SPANXN2: variants seen among roughly 807,000 people sequenced by gnomAD.
SPANXN2 encodes sperm protein associated with the nucleus on the X chromosome N2.
In SPANXN2, 1 loss-of-function variant was observed where a neutral mutation model predicts 2.0. The observed-to-expected ratio is 0.50, with a 90% CI of 0.18 to 2.36. The LOEUF (loss-of-function observed/expected upper bound fraction) is 2.36. Among genes scored for constraint, SPANXN2 ranks in the 30% most tolerant of loss-of-function variants. SPANXN2 has a pLI of 0.26. For missense variants in SPANXN2, 88 were observed against 116.7 expected (o/e 0.75, Z 1.13); for synonymous variants, 43 against 49.8 (o/e 0.86, Z 0.58).
rs1932352346 is a variant in SPANXN2 at position 143,720,643 on chromosome X, T to C, written c.26A>G (p.Asn9Ser). Residue 9 changes from asparagine to serine, a missense_variant, in exon 1 of 2, where the codon AAT becomes AGT. Around this residue, in one of 2 missense-constraint regions of SPANXN2, gnomAD observed 59 missense variants for 56.4 expected, o/e 1.05. Transcript: ENST00000598475. ...ACAGGGGCTCTTCCTCTTCTCCCCATTGGTGCTTGAAGTCGGCTGTTCCAT... is the reference window on the plus strand; with the variant it reads ...ACAGGGGCTCTTCCTCTTCTCCCCACTGGTGCTTGAAGTCGGCTGTTCCAT... The C allele has an allele frequency of 2.5e-6, 3 of 1,208,886 alleles. No homozygotes were observed. The highest frequency in any genetic ancestry group is 1.8e-5 in the South Asian group (1 of 56,729).
At chrX:143,712,930 A>G (rs1189864700) in intron 1 of SPANXN2, among the ~76,000 whole-genome samples, 1 of 111,776 alleles carries the variant, frequency 8.9e-6, no homozygotes, top group Non-Finnish European at 1.9e-5. Flanking sequence ...AGAACATCTT[A>G]TCAATATCCT....
chrX:143,716,868 G>C (rs1291986476), intron 1 of SPANXN2, among the ~76,000 whole-genome samples: 1 of 111,548 alleles, frequency 9.0e-6, no homozygotes, highest in Non-Finnish European at 1.9e-5. Flanking sequence ...CTTATTCATA[G>C]GTAACCCTCT....
exon 2 of SPANXN2, chrX:143,712,192 T>C: frequency 2.2e-6 from 1 of 457,414 alleles, no homozygotes; most frequent in Non-Finnish European, 3.8e-6. Context: ...TTCAGATGAG[T>C]CCAGGTCTTC....
chrX:143,720,175 T>C (rs1273301520), intron 1 of SPANXN2, among the ~76,000 whole-genome samples: 1 of 110,993 alleles, frequency 9.0e-6, no homozygotes, highest in African/African-American at 3.3e-5. Context: ...CCCTGCTATT[T>C]TGCAGACCTT....
In SPANXN2 at chrX:143,716,368, C is replaced by A. The variant is rs782763993; in HGVS notation, c.79-3869G>T. Among the ~76,000 whole-genome samples the A allele has an allele frequency of 1.1e-3, 127 of 110,861 alleles. 1 individual carries two copies. Among genetic ancestry groups the A allele is most frequent in the Admixed American group, 1.7e-3 (18 of 10,471 alleles). On this transcript the variant is annotated intron_variant, in intron 1 of 1. Coordinates refer to ENST00000598475, the Ensembl canonical transcript of SPANXN2. ...TTCCCCACATAAAAAAAAAGGACCTCCCCTCCTTCTTGGGCCTTGTGGGAT... is the reference window on the plus strand; with the variant it reads ...TTCCCCACATAAAAAAAAAGGACCTACCCTCCTTCTTGGGCCTTGTGGGAT...
chrX:143,714,205 C>A (rs1374706868), intron 1 of SPANXN2, among the ~76,000 whole-genome samples: 1 of 111,006 alleles, frequency 9.0e-6, no homozygotes, highest in Non-Finnish European at 1.9e-5. Context: ...AAAGGCCTTC[C>A]AAAGTCCTTC....
intron 1 of SPANXN2, among the ~76,000 whole-genome samples, chrX:143,714,800 G>A (rs781897551): frequency 9.0e-6 from 1 of 111,724 alleles, no homozygotes; most frequent in Non-Finnish European, 1.9e-5. Flanking sequence ...CTTAATCAAA[G>A]TGGCCTTCAA....
intron 1 of SPANXN2, among the ~76,000 whole-genome samples, chrX:143,715,592 C>A (rs1473278236): frequency 1.9e-5 from 2 of 106,777 alleles, no homozygotes; most frequent in Admixed American, 1.0e-4. Context: ...CATCACATCC[C>A]AGTTAAAATA....
At chrX:143,720,280 C>A (rs782048250) in intron 1 of SPANXN2, among the ~76,000 whole-genome samples, 1 of 110,153 alleles carries the variant, frequency 9.1e-6, no homozygotes, top group Non-Finnish European at 1.9e-5. Context: ...ACTAAAGAAA[C>A]TTTCCTATGG....
intron 1 of SPANXN2, among the ~76,000 whole-genome samples, chrX:143,716,352 TA>T (rs1186342455): frequency 1.0e-4 from 11 of 107,804 alleles, no homozygotes; most frequent in African/African-American, 3.0e-4. Flanking sequence ...CTTCCCCACA[TA>T]AAAAAAAAGG....
chrX:143,712,014 A>G (rs782550544), exon 2 of SPANXN2: 43 of 1,210,687 alleles, frequency 3.6e-5, no homozygotes, highest in South Asian at 1.4e-4. Flanking sequence ...GATTTGTCCA[A>G]TTTGGTTTCT....
intron 1 of SPANXN2, among the ~76,000 whole-genome samples, chrX:143,714,185 G>A (rs1932218935): frequency 9.1e-6 from 1 of 110,236 alleles, no homozygotes; most frequent in African/African-American, 3.3e-5. Flanking sequence ...TAGGAACCAG[G>A]CACATGCCCA....
At chrX:143,720,560 T>A (rs1556450719) in intron 1 of SPANXN2, 31 bp downstream of exon 1, 1 of 1,196,858 alleles carries the variant, frequency 8.4e-7, no homozygotes, top group Non-Finnish European at 1.1e-6. Context: ...TCTTTCACCC[T>A]CACCTTCCCT....
exon 2 of SPANXN2, chrX:143,712,029 G>A (rs1932166747): frequency 1.6e-6 from 2 of 1,212,202 alleles, no homozygotes; most frequent in Non-Finnish European, 2.2e-6. Context: ...GTTTCTCCAT[G>A]TTTGACTAGT....
intron 1 of SPANXN2, 61 bp from the exon 2 acceptor site, chrX:143,712,560 G>A: frequency 3.8e-6 from 4 of 1,041,931 alleles, no homozygotes; most frequent in East Asian, 3.0e-5. Context: ...GGTAGAGACT[G>A]GATAGCAAGG....
exon 2 of SPANXN2, chrX:143,712,377 T>G (rs1375137528): frequency 8.3e-7 from 1 of 1,211,412 alleles, no homozygotes; most frequent in African/African-American, 1.7e-5. Flanking sequence ...CCTTCTCCAG[T>G]TGATTTGAAT....
intron 1 of SPANXN2, among the ~76,000 whole-genome samples, chrX:143,713,960 C>T (rs1556449060): frequency 9.4e-6 from 1 of 106,600 alleles, no homozygotes; most frequent in South Asian, 4.4e-4. Context: ...AAATCTTCCT[C>T]CTCAAGGAGA....
chrX:143,716,593 A>T (rs1932269653), intron 1 of SPANXN2, among the ~76,000 whole-genome samples: 1 of 112,032 alleles, frequency 8.9e-6, no homozygotes, highest in African/African-American at 3.2e-5. Flanking sequence ...CATTCTGACC[A>T]GCGCCTTGCC....
At chrX:143,712,751 G>A (rs781818957) in intron 1 of SPANXN2, among the ~76,000 whole-genome samples, 3 of 111,436 alleles carry the variant, frequency 2.7e-5, no homozygotes, top group East Asian at 5.7e-4. Context: ...GTCAAAGTGA[G>A]ACACTCCATG....
Sources: allele counts gnomAD v4.1 joint callset (sites outside exome capture counted in the v4.1 genomes callset), GRCh38; gene constraint gnomAD v4.1.1; regional missense constraint gnomAD v4.1.1; transcripts MANE v1.5; gene names NCBI Gene and HGNC (gene_info 2026-07-23, HGNC 2026-07-21).